RBFOX1: variants seen among roughly 807,000 people sequenced by gnomAD.
The protein encoded by RBFOX1 is RNA binding protein fox-1 homolog 1.
In RBFOX1, 8 loss-of-function variants were observed where a neutral mutation model predicts 57.7. That is an observed-to-expected ratio of 0.14 (90% CI 0.08 to 0.25). RBFOX1 has a LOEUF of 0.25. Ranked by LOEUF, RBFOX1 falls within the 10% of genes least tolerant of loss-of-function variation. The probability of loss-of-function intolerance (pLI) is 1.00; values close to 1 mark genes in which losing one functional copy is unlikely to be tolerated. For missense variants in RBFOX1, 611 were observed against 548.5 expected (o/e 1.11, Z -1.14); for synonymous variants, 326 against 222.4 (o/e 1.47, Z -4.15).
intron 4 of RBFOX1, among the ~76,000 whole-genome samples, chr16:7,089,761 C>T (rs563572973): frequency 1.3e-5 from 2 of 152,258 alleles, no homozygotes; most frequent in African/African-American, 4.8e-5. Context: ...AGCAGCATCC[C>T]TCAATTTCTA....
intron 2 of RBFOX1, among the ~76,000 whole-genome samples, chr16:5,558,730 G>C (rs2045775616): frequency 6.6e-6 from 1 of 152,152 alleles, no homozygotes; most frequent in Non-Finnish European, 1.5e-5. Flanking sequence ...TCAGAGTGCA[G>C]AGGGTCTGTC....
rs928713825 is a variant in RBFOX1 at position 6,988,019 on chromosome 16, G to GA, written c.-15-64029dup. ...TCGTCATCATGGTTATGTTTCTGGT[G>GA]AAAAAAAAATTAGATATGGAAATGC... On this transcript the variant is annotated intron_variant, in intron 3 of 15. Coordinates refer to ENST00000550418, the MANE Select transcript of RBFOX1 (RefSeq NM_018723.4). Among the ~76,000 whole-genome samples the GA allele has an allele frequency of 1.6e-3, 242 of 150,960 alleles. 1 individual carries two copies. Among genetic ancestry groups the GA allele is most frequent in the South Asian group, 9.2e-3 (44 of 4,778 alleles).
intron 4 of RBFOX1, among the ~76,000 whole-genome samples, chr16:7,059,062 G>A (rs1164883330): frequency 2.6e-5 from 4 of 152,176 alleles, no homozygotes; most frequent in Admixed American, 6.5e-5. Context: ...ATATGAGAGT[G>A]ATGTGGATTG....
At chr16:7,044,950 G>A (rs1042219558) in intron 3 of RBFOX1, among the ~76,000 whole-genome samples, 3 of 152,146 alleles carry the variant, frequency 2.0e-5, no homozygotes, top group African/African-American at 7.2e-5. Flanking sequence ...AGTCTTCCAA[G>A]AATCATTACA....
At chr16:5,502,594 G>A (rs1033106281) in intron 2 of RBFOX1, among the ~76,000 whole-genome samples, 1 of 152,200 alleles carries the variant, frequency 6.6e-6, no homozygotes, top group African/African-American at 2.4e-5. Flanking sequence ...GGCAGCGAGA[G>A]GGGAGAAAAT....
intron 2 of RBFOX1, among the ~76,000 whole-genome samples, chr16:5,549,111 C>T (rs57236993): frequency 0.015 from 2,245 of 152,264 alleles, 79 homozygotes; most frequent in African/African-American, 0.052. Context: ...CAAAGATGAC[C>T]CTATGAGCAG....
chr16:6,881,958 G>T (rs1028074495), intron 3 of RBFOX1, among the ~76,000 whole-genome samples: 2 of 152,086 alleles, frequency 1.3e-5, no homozygotes, highest in African/African-American at 4.8e-5. Context: ...AAAAAGAAGG[G>T]AACTTGGTTA....
intron 3 of RBFOX1, among the ~76,000 whole-genome samples, chr16:6,866,889 G>C (rs548463375): frequency 2.6e-5 from 4 of 151,976 alleles, no homozygotes; most frequent in Admixed American, 2.0e-4. Context: ...TGTATTACTT[G>C]CCACACAAAG....
intron 1 of RBFOX1, among the ~76,000 whole-genome samples, chr16:5,356,827 C>A (rs951855059): frequency 6.6e-6 from 1 of 152,088 alleles, no homozygotes; most frequent in Admixed American, 6.5e-5. Context: ...TGTCATTGTC[C>A]TTATGTTTGT....
At chr16:6,634,618 A>C (rs1487319226) in intron 2 of RBFOX1, among the ~76,000 whole-genome samples, 2 of 144,850 alleles carry the variant, frequency 1.4e-5, no homozygotes, top group African/African-American at 5.0e-5. Context: ...TATATGATTA[A>C]AGTATTATAT....
chr16:7,245,949 T>A (rs980279891), intron 4 of RBFOX1, among the ~76,000 whole-genome samples: 1 of 152,184 alleles, frequency 6.6e-6, no homozygotes, highest in African/African-American at 2.4e-5. Flanking sequence ...ACAAACACAA[T>A]TAGCCCATCC....
At chr16:5,552,954 T>C (rs867469510) in intron 2 of RBFOX1, among the ~76,000 whole-genome samples, 1 of 151,936 alleles carries the variant, frequency 6.6e-6, no homozygotes, top group South Asian at 2.1e-4. Flanking sequence ...TATGCAGCCA[T>C]AAAAAGGATC....
At chr16:6,529,777 C>T (rs1001721962) in intron 2 of RBFOX1, among the ~76,000 whole-genome samples, 1 of 152,048 alleles carries the variant, frequency 6.6e-6, no homozygotes, top group Non-Finnish European at 1.5e-5. Flanking sequence ...GTTGTAGTAA[C>T]ACTTGAGAAT....
chr16:7,516,444 C>T (rs2076370341), intron 4 of RBFOX1, among the ~76,000 whole-genome samples: 1 of 152,026 alleles, frequency 6.6e-6, no homozygotes, highest in Non-Finnish European at 1.5e-5. Flanking sequence ...TGGGACTGTC[C>T]CCCAAAAGGA....
At chr16:6,899,658 C>T (rs938647246) in intron 3 of RBFOX1, among the ~76,000 whole-genome samples, 3 of 152,242 alleles carry the variant, frequency 2.0e-5, no homozygotes, top group East Asian at 1.9e-4. Context: ...GTCCATACCT[C>T]CTCAAGCAAG....
intron 3 of RBFOX1, among the ~76,000 whole-genome samples, chr16:6,721,429 C>A (rs144915241): frequency 2.0e-5 from 3 of 152,134 alleles, no homozygotes; most frequent in Non-Finnish European, 4.4e-5. Flanking sequence ...GGGGACAGAG[C>A]GAGACTCTGT....
chr16:6,777,190 G>T (rs1462830871), intron 3 of RBFOX1, among the ~76,000 whole-genome samples: 3 of 152,132 alleles, frequency 2.0e-5, no homozygotes, highest in Admixed American at 6.5e-5. Flanking sequence ...CTTTAGAAAA[G>T]TGATAATATG....
At chr16:5,860,339 T>A (rs544717084) in intron 3 of RBFOX1, among the ~76,000 whole-genome samples, 147 of 152,226 alleles carry the variant, frequency 9.7e-4, no homozygotes, top group African/African-American at 3.3e-3. Context: ...CCTCCCAAAG[T>A]GCTGGGATTA....
chr16:7,439,490 A>G (rs150627449), intron 4 of RBFOX1, among the ~76,000 whole-genome samples: 3 of 152,320 alleles, frequency 2.0e-5, no homozygotes, highest in East Asian at 1.9e-4. Flanking sequence ...ACCCAGAATT[A>G]TCCACCTAGT....
Sources: allele counts gnomAD v4.1 joint callset (sites outside exome capture counted in the v4.1 genomes callset), GRCh38; gene constraint gnomAD v4.1.1; transcripts MANE v1.5; gene names NCBI Gene and HGNC (gene_info 2026-07-23, HGNC 2026-07-21).